TBL1XR1: variants seen among roughly 807,000 people sequenced by gnomAD.
The protein encoded by TBL1XR1 is F-box-like/WD repeat-containing protein TBL1XR1.
A neutral mutation model predicts 66.9 loss-of-function variants in TBL1XR1; 5 were observed. That is an observed-to-expected ratio of 0.07 (90% CI 0.04 to 0.16). The LOEUF (loss-of-function observed/expected upper bound fraction) is 0.16, where lower values mean the gene tolerates loss of function less well. TBL1XR1 is among the 10% of genes least tolerant of loss of function. The pLI is 1.00. For synonymous variants in TBL1XR1, 210 were observed against 206.0 expected, an observed-to-expected ratio of 1.02 and a Z score of -0.17; for missense variants, 238 against 623.2, an observed-to-expected ratio of 0.38 and a Z score of 6.58.
chr3:177,153,059 C>T (rs528687920), intron 1 of TBL1XR1, among the ~76,000 whole-genome samples: 93 of 152,114 alleles, frequency 6.1e-4, no homozygotes, highest in Non-Finnish European at 1.1e-3. Flanking sequence ...GAGAATCGCC[C>T]GGGAAGTGGA....
At chr3:177,083,020 G>A (rs1721634493) in intron 2 of TBL1XR1, among the ~76,000 whole-genome samples, 1 of 151,566 alleles carries the variant, frequency 6.6e-6, no homozygotes, top group Admixed American at 6.6e-5. Context: ...GGCCTCCAAA[G>A]AGATATTTTA....
At chr3:177,044,573 C>T (rs1364116774) in intron 10 of TBL1XR1, among the ~76,000 whole-genome samples, 1 of 152,044 alleles carries the variant, frequency 6.6e-6, no homozygotes, top group Non-Finnish European at 1.5e-5. Flanking sequence ...ATTCATTATC[C>T]TGAGTGCGGT....
At chr3:177,118,897 A>G (rs1447162830) in intron 1 of TBL1XR1, among the ~76,000 whole-genome samples, 2 of 152,218 alleles carry the variant, frequency 1.3e-5, no homozygotes, top group African/African-American at 4.8e-5. Context: ...ACTCCACATA[A>G]TAACTCAAGA....
chr3:177,044,481 T>A (rs543942909), intron 10 of TBL1XR1, among the ~76,000 whole-genome samples: 1 of 152,160 alleles, frequency 6.6e-6, no homozygotes, highest in Admixed American at 6.5e-5. Flanking sequence ...ATGATCCCAA[T>A]CATACAATGT....
intron 1 of TBL1XR1, among the ~76,000 whole-genome samples, chr3:177,121,346 TTTA>T: frequency 6.6e-6 from 1 of 152,218 alleles, no homozygotes; most frequent in Non-Finnish European, 1.5e-5. Context: ...TCATTATTCT[TTTA>T]TTATTTTCAA....
chr3:177,187,196 C>T (rs1486066228), intron 1 of TBL1XR1, among the ~76,000 whole-genome samples: 1 of 148,146 alleles, frequency 6.8e-6, no homozygotes, highest in African/African-American at 2.5e-5. Context: ...GAGTTCGAGA[C>T]CAACCTGGCC....
intron 10 of TBL1XR1, among the ~76,000 whole-genome samples, chr3:177,040,738 G>C (rs1715470214): frequency 6.6e-6 from 1 of 151,808 alleles, no homozygotes; most frequent in Non-Finnish European, 1.5e-5. Flanking sequence ...AAAGTACTAA[G>C]TACTAAAGAA....
At chr3:177,200,616 A>G (rs534632722), upstream of TBL1XR1, among the ~76,000 whole-genome samples, 1 of 152,368 alleles carries the variant, frequency 6.6e-6, no homozygotes, top group East Asian at 1.9e-4. Context: ...ACTTTGTCCT[A>G]ATCTAACACT....
At chr3:177,176,231 G>A (rs563736673) in intron 1 of TBL1XR1, among the ~76,000 whole-genome samples, 1 of 151,994 alleles carries the variant, frequency 6.6e-6, no homozygotes, top group African/African-American at 2.4e-5. Context: ...GTCTGGCTCT[G>A]TCGCCCAGGC....
At chr3:177,055,140 T>C (rs991347202) in intron 3 of TBL1XR1, among the ~76,000 whole-genome samples, 5 of 152,144 alleles carry the variant, frequency 3.3e-5, no homozygotes, top group African/African-American at 4.8e-5. Context: ...ATCTATATAG[T>C]ATGTCTGTTG....
intron 1 of TBL1XR1, among the ~76,000 whole-genome samples, chr3:177,153,061 G>A (rs535724330): frequency 6.6e-6 from 1 of 152,222 alleles, no homozygotes; most frequent in South Asian, 2.1e-4. Flanking sequence ...GAATCGCCCG[G>A]GAAGTGGAGG....
intron 1 of TBL1XR1, among the ~76,000 whole-genome samples, chr3:177,112,089 ATATATATATATATATATAT>A (rs1725658621): frequency 2.3e-5 from 1 of 43,966 alleles, no homozygotes; most frequent in African/African-American, 1.6e-4. Context: ...ATATATATAT[ATATATATATATATATATAT>A]TTTTTTTTTT....
chr3:177,178,830 A>G (rs1308226566), intron 1 of TBL1XR1, among the ~76,000 whole-genome samples: 1 of 151,994 alleles, frequency 6.6e-6, no homozygotes, highest in Non-Finnish European at 1.5e-5. Flanking sequence ...TTATAACCTG[A>G]TTATCAGTCA....
chr3:177,145,063 A>G (rs1329221664), intron 1 of TBL1XR1, among the ~76,000 whole-genome samples: 1 of 152,238 alleles, frequency 6.6e-6, no homozygotes, highest in East Asian at 1.9e-4. Flanking sequence ...TTGACTGTTT[A>G]ATTATAACTT....
At chr3:177,050,388 C>G (rs1261815696) in intron 6 of TBL1XR1, 90 bp downstream of exon 6, 9 of 1,475,864 alleles carry the variant, frequency 6.1e-6, no homozygotes, top group East Asian at 4.9e-5. Flanking sequence ...CACAACTAAG[C>G]AACAACAGAA....
intron 2 of TBL1XR1, among the ~76,000 whole-genome samples, chr3:177,073,549 C>T (rs1326763549): frequency 6.6e-6 from 1 of 152,180 alleles, no homozygotes; most frequent in Non-Finnish European, 1.5e-5. Flanking sequence ...AAATGGACTT[C>T]TATTTGGAAA....
intron 2 of TBL1XR1, among the ~76,000 whole-genome samples, chr3:177,078,257 C>T (rs1347521636): frequency 6.6e-6 from 1 of 152,114 alleles, no homozygotes; most frequent in Non-Finnish European, 1.5e-5. Context: ...TATTTTTAAA[C>T]TTTCATAAAT....
At chr3:177,154,929 TCA>T (rs1731315628) in intron 1 of TBL1XR1, among the ~76,000 whole-genome samples, 1 of 152,064 alleles carries the variant, frequency 6.6e-6, no homozygotes, top group Admixed American at 6.5e-5. Context: ...AAGATTTAAA[TCA>T]CAGAGTATTT....
At chr3:177,150,091 C>A (rs1379546054) in intron 1 of TBL1XR1, among the ~76,000 whole-genome samples, 1 of 152,086 alleles carries the variant, frequency 6.6e-6, no homozygotes, top group Non-Finnish European at 1.5e-5. Flanking sequence ...TTATCTGATT[C>A]CAAACAAGAG....
Sources: gnomAD v4.1 joint callset for allele counts (sites outside exome capture counted in the v4.1 genomes callset) on GRCh38, gnomAD v4.1.1 for gene constraint, MANE v1.5 for transcripts, NCBI Gene and HGNC (gene_info 2026-07-23, HGNC 2026-07-21) for gene names.